The following AFF3 variants were observed in gnomAD, a reference collection of about 807,000 sequenced individuals.
AFF3 encodes AF4/FMR2 family member 3.
Under a neutral mutation model 129.7 loss-of-function variants are expected in AFF3, and 32 were observed. The ratio of observed to expected loss-of-function variants is 0.25; its 90% confidence interval spans 0.19 to 0.33. The LOEUF (loss-of-function observed/expected upper bound fraction) is 0.33, where lower values mean the gene tolerates loss of function less well. AFF3 is among the 10% of genes least tolerant of loss of function. The probability of loss-of-function intolerance (pLI) is 1.00; values close to 1 mark genes in which losing one functional copy is unlikely to be tolerated. For missense variants in AFF3, 1,373 were observed against 1,592.0 expected (o/e 0.86, Z 2.34); for synonymous variants, 644 against 635.4 (o/e 1.01, Z -0.20).
intron 8 of AFF3, among the ~76,000 whole-genome samples, chr2:99,817,203 G>A (rs190496720): frequency 4.3e-4 from 66 of 152,238 alleles, no homozygotes; most frequent in Admixed American, 3.0e-3. Flanking sequence ...TTCCCTTGGG[G>A]CACCTGGCAG....
At chr2:99,701,703 A>C (rs1676879881) in intron 11 of AFF3, among the ~76,000 whole-genome samples, 1 of 152,212 alleles carries the variant, frequency 6.6e-6, no homozygotes, top group Non-Finnish European at 1.5e-5. Context: ...ATGTGTGTGC[A>C]CGTAGCTATA....
chr2:99,655,733 A>G (rs1685689132), intron 12 of AFF3, among the ~76,000 whole-genome samples: 1 of 152,190 alleles, frequency 6.6e-6, no homozygotes, highest in Non-Finnish European at 1.5e-5. Context: ...CTGTGAATCT[A>G]TTATATAATT....
chr2:99,579,353 C>T (rs867898369), intron 17 of AFF3, among the ~76,000 whole-genome samples: 2 of 150,146 alleles, frequency 1.3e-5, no homozygotes, highest in Admixed American at 6.7e-5. Context: ...TGCGGTGAGC[C>T]GAGACCATGC....
chr2:99,662,879 G>C (rs17022861), intron 12 of AFF3, among the ~76,000 whole-genome samples: 40,906 of 152,032 alleles, frequency 0.27, 5,872 homozygotes, highest in South Asian at 0.32. Flanking sequence ...ATGAACCCTG[G>C]CCACAAATCC....
At chr2:100,084,205 C>T (rs1235839929) in intron 4 of AFF3, among the ~76,000 whole-genome samples, 2 of 152,194 alleles carry the variant, frequency 1.3e-5, no homozygotes, top group African/African-American at 2.4e-5. Context: ...AAACACTCGG[C>T]GACCACATGC....
At chr2:99,612,096 T>C (rs1345580729) in intron 13 of AFF3, among the ~76,000 whole-genome samples, 1 of 152,134 alleles carries the variant, frequency 6.6e-6, no homozygotes, top group Non-Finnish European at 1.5e-5. Context: ...TGATTTGCCT[T>C]CTCCCCGCCT....
At chr2:100,124,228 A>T (rs1692096263) in intron 2 of AFF3, among the ~76,000 whole-genome samples, 1 of 152,202 alleles carries the variant, frequency 6.6e-6, no homozygotes, top group Non-Finnish European at 1.5e-5. Context: ...CTGGAGTTGA[A>T]AAAAATTATC....
intron 2 of AFF3, among the ~76,000 whole-genome samples, chr2:100,128,948 G>A (rs190857679): frequency 6.6e-6 from 1 of 152,238 alleles, no homozygotes; most frequent in Admixed American, 6.5e-5. Context: ...TACACAGGGA[G>A]GGAGTGGGGT....
intron 4 of AFF3, among the ~76,000 whole-genome samples, chr2:100,060,399 C>A (rs1687172875): frequency 6.6e-6 from 1 of 152,146 alleles, no homozygotes; most frequent in South Asian, 2.1e-4. Flanking sequence ...CAAACCCAGT[C>A]ATTTTGGCTC....
At chr2:100,136,644 T>C (rs1245992995) in intron 1 of AFF3, among the ~76,000 whole-genome samples, 1 of 152,212 alleles carries the variant, frequency 6.6e-6, no homozygotes, top group African/African-American at 2.4e-5. Flanking sequence ...CCGCTGAAGC[T>C]TTTGTATCTG....
chr2:99,816,063 A>T (rs1163640943), intron 8 of AFF3, among the ~76,000 whole-genome samples: 3 of 144,412 alleles, frequency 2.1e-5, no homozygotes, highest in East Asian at 2.0e-4. Flanking sequence ...TTTAAATCTC[A>T]TTGCATTTCA....
chr2:99,624,077 C>G (rs1682313176), intron 13 of AFF3, among the ~76,000 whole-genome samples: 1 of 152,204 alleles, frequency 6.6e-6, no homozygotes, highest in Non-Finnish European at 1.5e-5. Flanking sequence ...CTGGAGCCAC[C>G]GGGTTGCTTC....
chr2:100,116,303 A>G (rs1691733046), intron 2 of AFF3, among the ~76,000 whole-genome samples: 1 of 152,084 alleles, frequency 6.6e-6, no homozygotes, highest in African/African-American at 2.4e-5. Context: ...CAGCCTGACA[A>G]ACTTTGCCTT....
intron 8 of AFF3, among the ~76,000 whole-genome samples, chr2:99,786,814 C>G (rs956765571): frequency 1.3e-5 from 2 of 152,184 alleles, no homozygotes; most frequent in Non-Finnish European, 2.9e-5. Context: ...CAAACTTTAG[C>G]TGCAATGGCT....
intron 11 of AFF3, among the ~76,000 whole-genome samples, chr2:99,720,091 C>G (rs1361888435): frequency 6.6e-6 from 1 of 152,026 alleles, no homozygotes; most frequent in African/African-American, 2.4e-5. Context: ...TCATGTAGAC[C>G]GCAGGCAGTC....
At chr2:99,879,719 A>G (rs888401111) in intron 7 of AFF3, among the ~76,000 whole-genome samples, 3 of 152,214 alleles carry the variant, frequency 2.0e-5, no homozygotes, top group African/African-American at 4.8e-5. Flanking sequence ...CATCTTGCCA[A>G]CGTGCCCAAG....
At position 99,587,175 on chromosome 2, in the gene AFF3, T is replaced by C; in HGVS notation, c.2570A>G (p.His857Arg). 1 of 1,614,132 alleles carries C rather than the reference T, an allele frequency of 6.2e-7. No individual in the cohort carries two copies. The highest frequency in any genetic ancestry group is 1.7e-5 in the Admixed American group (1 of 60,016). ...GTACCTGTTGATGTTCATGTTGCAG[T>C]GGTTTGCAGACAAAGTATTACTGGT... Reference protein sequence around the residue: ...TSTSNTLSANHCNMNINSVAI... With the variant: ...TSTSNTLSANRCNMNINSVAI... Residue 857 changes from histidine (H) to arginine (R), a missense_variant, in exon 16 of 25, where the codon CAC becomes CGC. Transcript: ENST00000672756.
At chr2:100,037,158 A>C (rs879677481) in intron 4 of AFF3, among the ~76,000 whole-genome samples, 1 of 152,076 alleles carries the variant, frequency 6.6e-6, no homozygotes, top group Non-Finnish European at 1.5e-5. Flanking sequence ...ATGTTCATGT[A>C]ACAGCCAAAA....
chr2:99,745,689 T>G (rs376791930), intron 9 of AFF3, among the ~76,000 whole-genome samples: 10 of 152,334 alleles, frequency 6.6e-5, no homozygotes, highest in South Asian at 6.2e-4. Flanking sequence ...CGATGGTGGA[T>G]AAAAAGATTA....
Sources: allele counts gnomAD v4.1 joint callset (sites outside exome capture counted in the v4.1 genomes callset), GRCh38; gene constraint gnomAD v4.1.1; transcripts MANE v1.5; gene names NCBI Gene and HGNC (gene_info 2026-07-23, HGNC 2026-07-21).